COL6A6: variants seen among roughly 807,000 people sequenced by gnomAD.
COL6A6 encodes the protein collagen type VI alpha 6 chain.
COL6A6 carries 183 observed loss-of-function variants against 208.6 expected under a neutral mutation model. The ratio of observed to expected loss-of-function variants is 0.88; its 90% CI spans 0.78 to 0.99. COL6A6 has a LOEUF of 0.99. Among genes scored for constraint, COL6A6 ranks in the 50% least tolerant of loss-of-function variants. The probability of loss-of-function intolerance (pLI) is 0.00; values close to 1 mark genes in which losing one functional copy is unlikely to be tolerated. For synonymous variants in COL6A6, 973 were observed against 1,011.8 expected (o/e 0.96, Z 0.73); for missense variants, 2,816 against 2,815.2 (o/e 1.00, Z -0.01).
chr3:130,537,344 T>C (rs914734613), intron 1 of COL6A6, among the ~76,000 whole-genome samples: 1 of 152,218 alleles, frequency 6.6e-6, no homozygotes, highest in African/African-American at 2.4e-5. Flanking sequence ...GTGTGGCTCT[T>C]AGAATAATGG....
rs1387136626 is a variant in COL6A6 at position 130,571,413 on chromosome 3, T to C, written c.2977+20T>C. The C allele has an allele frequency of 5.3e-6, 8 of 1,507,990 alleles. No homozygotes were observed. The African/African-American group carries it at 8.4e-5, about 16-fold the overall frequency. The allele number at this position is 1,507,990 out of a possible 1,614,324, so 93.4% of individuals were successfully genotyped here. A position where few individuals can be genotyped will look rare whatever the true frequency, so the allele number is the denominator to read the frequency against. On this transcript the variant is annotated intron_variant, in intron 7 of 36. Coordinates refer to ENST00000358511, the MANE Select transcript of COL6A6 (RefSeq NM_001102608.3). Reference sequence around the variant, plus strand: ...AAGTAGGTAAGTTTTGCCAACTAAGTTTTTCCTAATTATTAGCAGAGGGAC... The same window carrying C: ...AAGTAGGTAAGTTTTGCCAACTAAGCTTTTCCTAATTATTAGCAGAGGGAC...
At chr3:130,650,753 C>CTCTT (rs60451716) in intron 33 of COL6A6, among the ~76,000 whole-genome samples, 32,266 of 151,928 alleles carry the variant, frequency 0.21, 4,898 homozygotes, top group African/African-American at 0.43. Context: ...TCTGCAAAAT[C>CTCTT]ATAGAGAAAC....
intron 36 of COL6A6, 32 bp downstream of exon 36, chr3:130,665,128 A>AT: frequency 6.9e-7 from 1 of 1,454,112 alleles, no homozygotes; most frequent in Non-Finnish European, 9.5e-7. Flanking sequence ...TTGATAAATG[A>AT]GAATGCCCCC....
chr3:130,518,513 C>A (rs944842337), intron 1 of COL6A6, among the ~76,000 whole-genome samples: 2 of 151,112 alleles, frequency 1.3e-5, no homozygotes, highest in African/African-American at 4.9e-5. Flanking sequence ...CAATTAATTT[C>A]TCCTTTTTTT....
chr3:130,531,107 C>G lies in COL6A6; in HGVS notation c.-32+13710C>G, dbSNP rs1207138804. ...TCTCTCTCTGCCACTCACACATTGC[C>G]TTTCTGTACCTATTGATTTTGTTTC... On this transcript the variant is annotated intron_variant, in intron 1 of 36. Coordinates refer to ENST00000358511, the MANE Select transcript of COL6A6 (RefSeq NM_001102608.3). Among the ~76,000 whole-genome samples the G allele has an allele frequency of 2.0e-5, 3 of 151,438 alleles. No individual in the cohort carries two copies. In the East Asian group the frequency reaches 5.8e-4, roughly 29 times the overall value.
intron 33 of COL6A6, among the ~76,000 whole-genome samples, chr3:130,658,336 T>A (rs1396902321): frequency 6.6e-6 from 1 of 152,200 alleles, no homozygotes; most frequent in African/African-American, 2.4e-5. Flanking sequence ...GTAATAGATA[T>A]GAAAATGTTT....
In COL6A6 at chr3:130,573,957, T is replaced by A; in HGVS notation, c.2979T>A (p.Asp993Glu). 3 of 1,592,722 alleles carry A rather than the reference T, an allele frequency of 1.9e-6. No homozygotes were observed. The highest frequency in any genetic ancestry group is 2.6e-6 in the Non-Finnish European group (3 of 1,161,390). Residue 993 changes from aspartate to glutamate, a missense_variant and splice_region_variant, in exon 8 of 37, where the codon GAT (aspartate) becomes GAA (glutamate). Physicochemically the swap from Asp to Glu is conservative, Grantham distance 45. Transcript: ENST00000358511. ...TASVCNSSKVDCEIDKVDLVF... is the reference protein window; with the variant it reads ...TASVCNSSKVECEIDKVDLVF... ...TGTTGTTCCTTCTCTTCTTTGTAGA[T>A]TGTGAAATTGACAAAGTAGATCTTG...
At chr3:130,648,569 C>G (rs915856723) in intron 32 of COL6A6, among the ~76,000 whole-genome samples, 9 of 152,218 alleles carry the variant, frequency 5.9e-5, no homozygotes, top group Admixed American at 6.5e-5. Context: ...GTATTGCCTA[C>G]TCTCTTTGCG....
rs750673214 is a variant in COL6A6, at chr3:130,658,755, G to T, written c.5813G>T (p.Arg1938Leu). The change falls in exon 34 of 37, where the codon CGG becomes CTG. Residue 1938 changes from arginine (R) to leucine (L), a missense_variant. Transcript: ENST00000358511. ...DYIPALERLQ[R>L]CTFCYDVCKP... ...ATACCAGCATTAGAGAGACTCCAGC[G>T]GTGCACTTTCTGCTATGGTAAGACC... is the stretch of plus-strand genomic sequence containing the variant. The T allele has an allele frequency of 2.5e-6, 4 of 1,611,638 alleles. No individual in the cohort carries two copies. Among genetic ancestry groups the T allele is most frequent in the Non-Finnish European group, 3.4e-6 (4 of 1,178,744 alleles).
chr3:130,587,213 A>T (rs773328220), intron 11 of COL6A6, among the ~76,000 whole-genome samples: 2 of 152,222 alleles, frequency 1.3e-5, no homozygotes, highest in Non-Finnish European at 1.5e-5. Context: ...GTTGTACTTT[A>T]TGAGCAATTG....
chr3:130,606,002 T>C (rs549845864), intron 20 of COL6A6, among the ~76,000 whole-genome samples: 2 of 152,224 alleles, frequency 1.3e-5, no homozygotes, highest in African/African-American at 4.8e-5. Flanking sequence ...GTGGGAATTA[T>C]GGGAGCTACA....
At position 130,665,239 on chromosome 3, in the gene COL6A6, C is replaced by T. The variant is rs182801351; in HGVS notation, c.6596+143C>T. On this transcript the variant is annotated intron_variant, in intron 36 of 36. Transcript: ENST00000358511. ...TGCTACATGATATTAAAATATAATT[C>T]GAAGGAACAAGAGATAACTTTTTAA... 20 of 555,478 alleles carry T rather than the reference C, an allele frequency of 3.6e-5. No homozygotes were observed. In the South Asian group the frequency reaches 4.9e-4, roughly 14 times the overall value. The allele number at this position is 555,478 out of a possible 1,614,324, so 34.4% of individuals were successfully genotyped here. A position where few individuals can be genotyped will look rare whatever the true frequency, so the allele number is the denominator to read the frequency against.
At chr3:130,554,753 C>G (rs983124271) in intron 1 of COL6A6, among the ~76,000 whole-genome samples, 3 of 152,072 alleles carry the variant, frequency 2.0e-5, no homozygotes, top group Non-Finnish European at 4.4e-5. Flanking sequence ...CAAAGTGATG[C>G]AGGGGGTGGC....
chr3:130,548,698 A>G (rs2062576149), intron 1 of COL6A6, among the ~76,000 whole-genome samples: 1 of 152,254 alleles, frequency 6.6e-6, no homozygotes, highest in Non-Finnish European at 1.5e-5. Flanking sequence ...TAAACTCACA[A>G]AAGTGGGTTC....
At chr3:130,644,070 G>A (rs1449627786) in intron 31 of COL6A6, among the ~76,000 whole-genome samples, 3 of 152,154 alleles carry the variant, frequency 2.0e-5, no homozygotes, top group East Asian at 1.9e-4. Flanking sequence ...AAATTTAAGG[G>A]ACTCCATAAA....
chr3:130,644,683 A>C (rs1159284472), intron 31 of COL6A6, among the ~76,000 whole-genome samples: 1 of 152,146 alleles, frequency 6.6e-6, no homozygotes, highest in Non-Finnish European at 1.5e-5. Flanking sequence ...CAGCTTTCCA[A>C]ATTCAGCGCA....
chr3:130,568,675 A>T (rs2063091202), intron 6 of COL6A6, 71 bp downstream of exon 6: 1 of 1,303,208 alleles, frequency 7.7e-7, no homozygotes, highest in African/African-American at 1.5e-5. Context: ...TATTTCTTGA[A>T]TTTAATTCTA....
chr3:130,657,332 C>T (rs1008190998), intron 33 of COL6A6, among the ~76,000 whole-genome samples: 1 of 152,240 alleles, frequency 6.6e-6, no homozygotes, highest in African/African-American at 2.4e-5. Context: ...GCAGTGGCCA[C>T]TCCAGATGGG....
intron 1 of COL6A6, among the ~76,000 whole-genome samples, chr3:130,552,974 C>G (rs1409945255): frequency 6.6e-6 from 1 of 152,162 alleles, no homozygotes; most frequent in Non-Finnish European, 1.5e-5. Flanking sequence ...TATAGGCCTC[C>G]AATCTCTTCT....
Sources: allele counts gnomAD v4.1 joint callset (sites outside exome capture counted in the v4.1 genomes callset), GRCh38; gene constraint gnomAD v4.1.1; transcripts MANE v1.5; gene names NCBI Gene and HGNC (gene_info 2026-07-23, HGNC 2026-07-21).